The following ATRNL1 variants were observed in gnomAD, a reference collection of about 807,000 sequenced individuals.
ATRNL1 encodes attractin like 1.
Under a neutral mutation model 182.7 loss-of-function variants are expected in ATRNL1, and 95 were observed. The ratio of observed to expected loss-of-function variants is 0.52; its 90% CI spans 0.44 to 0.62. The LOEUF (loss-of-function observed/expected upper bound fraction) is 0.62, where lower values mean the gene tolerates loss of function less well. Among genes scored for constraint, ATRNL1 ranks in the 20% least tolerant of loss-of-function variants. The pLI, the probability that ATRNL1 is intolerant of heterozygous loss-of-function variation, is 0.00. For missense variants in ATRNL1, 1,471 were observed against 1,679.5 expected, an observed-to-expected ratio of 0.88 and a Z score of 2.17; for synonymous variants, 576 against 568.3, an observed-to-expected ratio of 1.01 and a Z score of -0.19.
chr10:115,654,624 A>C (rs1336639401), intron 26 of ATRNL1, among the ~76,000 whole-genome samples: 6 of 152,086 alleles, frequency 3.9e-5, no homozygotes, highest in Non-Finnish European at 1.5e-5. Context: ...AATTCCTTTA[A>C]GTAAGACACT....
At chr10:115,311,256 C>G (rs1854010273) in intron 17 of ATRNL1, among the ~76,000 whole-genome samples, 1 of 144,990 alleles carries the variant, frequency 6.9e-6, no homozygotes, top group Non-Finnish European at 1.5e-5. Context: ...GTGGCACAAT[C>G]TTGGTTCACT....
At chr10:115,255,539 T>C (rs1554906550) in intron 10 of ATRNL1, among the ~76,000 whole-genome samples, 1 of 152,228 alleles carries the variant, frequency 6.6e-6, no homozygotes, top group Non-Finnish European at 1.5e-5. Flanking sequence ...GATTTTGGGC[T>C]GAGATGATGG....
intron 25 of ATRNL1, among the ~76,000 whole-genome samples, chr10:115,526,960 A>G (rs537618382): frequency 1.3e-5 from 2 of 152,174 alleles, no homozygotes; most frequent in South Asian, 4.2e-4. Context: ...TCTCCCAGGA[A>G]CAGGCCCGCC....
chr10:115,931,784 G>A (rs1309627398), intron 28 of ATRNL1, among the ~76,000 whole-genome samples: 1 of 152,054 alleles, frequency 6.6e-6, no homozygotes, highest in African/African-American at 2.4e-5. Context: ...AACCCATCAC[G>A]TTGCCATCCT....
chr10:115,504,335 A>C (rs2420084), intron 24 of ATRNL1, among the ~76,000 whole-genome samples: 30,553 of 151,934 alleles, frequency 0.2, 3,675 homozygotes, highest in South Asian at 0.3. Context: ...AATTAGGAGG[A>C]ATTTAGTTTA....
At chr10:115,248,147 G>C (rs1554904537) in intron 10 of ATRNL1, among the ~76,000 whole-genome samples, 1 of 152,112 alleles carries the variant, frequency 6.6e-6, no homozygotes, top group Non-Finnish European at 1.5e-5. Context: ...ATTATGTGTA[G>C]TTTCAAATAT....
intron 25 of ATRNL1, among the ~76,000 whole-genome samples, chr10:115,527,894 CCCTT>C (rs782069780): frequency 0.19 from 11,431 of 58,942 alleles, 1,455 homozygotes; most frequent in Non-Finnish European, 0.26. Context: ...CTCCTTCCCT[CCCTT>C]CCTTCCTTCC....
chr10:115,670,743 A>G (rs782435029), intron 26 of ATRNL1, among the ~76,000 whole-genome samples: 1 of 152,084 alleles, frequency 6.6e-6, no homozygotes, highest in Admixed American at 6.6e-5. Context: ...TAAGAGGGAG[A>G]AGGAGACAGT....
At chr10:115,202,910 GCC>G (rs1564817451) in intron 8 of ATRNL1, among the ~76,000 whole-genome samples, 10 of 149,894 alleles carry the variant, frequency 6.7e-5, no homozygotes, top group East Asian at 5.8e-4. Context: ...CAATTTCAGA[GCC>G]TGTTATTGGT....
At chr10:115,280,397 G>C (rs1852306697) in intron 13 of ATRNL1, among the ~76,000 whole-genome samples, 1 of 152,152 alleles carries the variant, frequency 6.6e-6, no homozygotes, top group African/African-American at 2.4e-5. Context: ...AATAAAAACA[G>C]AGAAAAGAGG....
chr10:115,605,140 A>G (rs1254338968), intron 26 of ATRNL1, among the ~76,000 whole-genome samples: 1 of 152,168 alleles, frequency 6.6e-6, no homozygotes, highest in African/African-American at 2.4e-5. Flanking sequence ...CACAGTTTAT[A>G]CGCATACATC....
At chr10:115,850,931 G>A (rs782615770) in intron 28 of ATRNL1, among the ~76,000 whole-genome samples, 1 of 152,146 alleles carries the variant, frequency 6.6e-6, no homozygotes, top group Non-Finnish European at 1.5e-5. Flanking sequence ...CCCACTGTGT[G>A]AAGGACAGGG....
chr10:115,186,860 A>G (rs975549963), intron 8 of ATRNL1, among the ~76,000 whole-genome samples: 5 of 152,184 alleles, frequency 3.3e-5, no homozygotes, highest in Non-Finnish European at 7.3e-5. Flanking sequence ...AAAGAAATGA[A>G]TAGATGTTTG....
intron 25 of ATRNL1, among the ~76,000 whole-genome samples, chr10:115,536,055 A>C (rs561418082): frequency 1.8e-4 from 28 of 151,870 alleles, no homozygotes; most frequent in African/African-American, 6.8e-4. Flanking sequence ...CTCGGGGGTC[A>C]GGGGTCAGGG....
intron 26 of ATRNL1, among the ~76,000 whole-genome samples, chr10:115,708,621 G>A (rs541598423): frequency 6.6e-6 from 1 of 151,770 alleles, no homozygotes; most frequent in East Asian, 1.9e-4. Context: ...AGAAAGCCTT[G>A]CCATATCTGA....
intron 28 of ATRNL1, among the ~76,000 whole-genome samples, chr10:115,887,864 C>G (rs1951987145): frequency 6.6e-6 from 1 of 152,088 alleles, no homozygotes; most frequent in Admixed American, 6.5e-5. Flanking sequence ...GTCTAAGCTA[C>G]TCTTGTGTGT....
At chr10:115,274,591 T>C (rs1308221965) in intron 13 of ATRNL1, among the ~76,000 whole-genome samples, 4 of 152,202 alleles carry the variant, frequency 2.6e-5, no homozygotes, top group African/African-American at 9.7e-5. Context: ...CTAGGTCCAA[T>C]CTATGTGATG....
rs145865223 is a variant in ATRNL1, at chr10:115,922,830, AGAG to A, written c.4019-21824_4019-21822del. On this transcript the variant is annotated intron_variant, in intron 28 of 28. Coordinates refer to ENST00000355044, the MANE Select transcript of ATRNL1 (RefSeq NM_207303.4). ...GTATAGAGGAAAGAGCAATATGTTA[AGAG>A]GAGAAGAAATAAATTTATTTCTATA... Among the ~76,000 whole-genome samples the A allele has an allele frequency of 8.6e-3, 1,309 of 152,326 alleles. 23 individuals carry two copies. The highest frequency in any genetic ancestry group is 0.03 in the African/African-American group (1,257 of 41,564).
At chr10:115,196,323 G>A (rs145280880) in intron 8 of ATRNL1, among the ~76,000 whole-genome samples, 1 of 152,200 alleles carries the variant, frequency 6.6e-6, no homozygotes, top group East Asian at 1.9e-4. Flanking sequence ...GGTTATTCTA[G>A]TATCACACTC....
Sources: allele counts gnomAD v4.1 joint callset (sites outside exome capture counted in the v4.1 genomes callset), GRCh38; gene constraint gnomAD v4.1.1; transcripts MANE v1.5; gene names NCBI Gene and HGNC (gene_info 2026-07-23, HGNC 2026-07-21).